Variants in B3GAT3 observed in about 807,000 individuals in gnomAD.
B3GAT3 encodes the protein beta-1,3-glucuronyltransferase 3.
B3GAT3 carries 19 observed loss-of-function variants against 33.1 expected under a neutral mutation model. The observed-to-expected ratio is 0.57, with a 90% CI of 0.40 to 0.84. The LOEUF is 0.84. Ranked by LOEUF, B3GAT3 falls within the 40% of genes least tolerant of loss-of-function variation. B3GAT3 has a pLI of 0.00. For synonymous variants in B3GAT3, 167 were observed against 193.5 expected, an observed-to-expected ratio of 0.86 and a Z score of 1.14; for missense variants, 344 against 441.5, an observed-to-expected ratio of 0.78 and a Z score of 1.98.
rs201412668 is a variant in B3GAT3, at chr11:62,621,970, G to A, written c.-23C>T. 1.9e-6 allele frequency: 3 copies of A among 1,612,296 alleles called. No homozygotes were observed. Among genetic ancestry groups the A allele is most frequent in the South Asian group, 1.1e-5 (1 of 91,036 alleles). On this transcript the variant is annotated 5_prime_UTR_variant, in exon 1 of 5. Coordinates refer to ENST00000265471, the MANE Select transcript of B3GAT3 (RefSeq NM_012200.4). ...CATGGCCGCGCCGCCGCCCGCGCCCGAGCAGGCGGGGTCTGCAGGGGACGA... is the reference window on the plus strand; with the variant it reads ...CATGGCCGCGCCGCCGCCCGCGCCCAAGCAGGCGGGGTCTGCAGGGGACGA...
Position 62,615,797 on chromosome 11 carries a change from T to C in B3GAT3, c.912A>G (p.Val304=), listed in dbSNP as rs1407013787. 2 of 1,613,652 alleles carry C rather than the reference T, an allele frequency of 1.2e-6. No individual in the cohort carries two copies. The highest frequency in any genetic ancestry group is 1.7e-6 in the Non-Finnish European group (2 of 1,179,976). The part of the protein sequence containing the change: ...LEPRAANCTR[V]LVWHTRTEKP... The stretch of plus-strand genomic sequence containing the variant: ...TCTCTGTCCGAGTATGCCACACCAG[T>C]ACCTGTGCCAGGAGGGATGCAGTGA... The change falls in exon 5 of 5, where the codon GTA becomes GTG. Residue 304 remains valine (V), a splice_region_variant and synonymous_variant. Coordinates refer to ENST00000265471, the MANE Select transcript of B3GAT3 (RefSeq NM_012200.4).
intron 2 of B3GAT3, 63 bp from the exon 3 acceptor site, chr11:62,617,410 G>C: frequency 6.3e-7 from 1 of 1,599,232 alleles, no homozygotes; most frequent in Non-Finnish European, 8.5e-7. Flanking sequence ...TCCAGCCAGG[G>C]CAGACAGCTT....
intron 2 of B3GAT3, among the ~76,000 whole-genome samples, chr11:62,619,573 C>G: frequency 6.6e-6 from 1 of 151,452 alleles, no homozygotes; most frequent in East Asian, 1.9e-4. Flanking sequence ...GAAATGGGCT[C>G]TCTCTGTCGC....
At chr11:62,616,007 G>A (rs1314881599) in intron 4 of B3GAT3, 20 of 1,408,438 alleles carry the variant, frequency 1.4e-5, no homozygotes, top group Non-Finnish European at 1.7e-5. Context: ...ACTTTGGGAG[G>A]CCGAGGAAGG....
chr11:62,620,430 A>G lies in B3GAT3; in HGVS notation c.257+67T>C, dbSNP rs771437446. 111 of 1,512,100 alleles carry G rather than the reference A, an allele frequency of 7.3e-5. 1 individual carries two copies. The highest frequency in any genetic ancestry group is 9.6e-5 in the Non-Finnish European group (105 of 1,096,690). The allele number at this position is 1,512,100 out of a possible 1,614,324, so 93.7% of individuals were successfully genotyped here. ...ACAACTCCTAGCCCAGTGCCTCCCC[A>G]AACTCCTCATCATCAACTCCAACTT... is the stretch of plus-strand genomic sequence containing the variant. On this transcript the variant is annotated intron_variant, in intron 2 of 4. Coordinates refer to ENST00000265471, the MANE Select transcript of B3GAT3 (RefSeq NM_012200.4).
intron 4 of B3GAT3, chr11:62,616,033 G>A (rs565240600): frequency 3.1e-6 from 4 of 1,297,636 alleles, no homozygotes; most frequent in African/African-American, 1.5e-5. Context: ...CACGAGGTCA[G>A]GAGATTGAGA....
At chr11:62,620,475 T>C in intron 2 of B3GAT3, 22 bp downstream of exon 2, 2 of 1,610,098 alleles carry the variant, frequency 1.2e-6, no homozygotes, top group South Asian at 1.1e-5. Context: ...CGCAGACCTC[T>C]TGAGTGCACC....
At chr11:62,618,219 A>C in intron 2 of B3GAT3, among the ~76,000 whole-genome samples, 1 of 149,186 alleles carries the variant, frequency 6.7e-6, no homozygotes, top group Middle Eastern at 3.2e-3. Context: ...TTAAGGGCAC[A>C]GGCTTTGGGA....
chr11:62,617,176 C>T lies in B3GAT3; in HGVS notation c.429G>A (p.Gln143=). 1 of 1,614,028 alleles carries T rather than the reference C, an allele frequency of 6.2e-7. No homozygotes were observed. Among genetic ancestry groups the T allele is most frequent in the South Asian group, 1.1e-5 (1 of 91,078 alleles). ...AGCCAGGCTCGCCCTCCCGAAGCCG[C>T]TGGGCTTTGGGCGTGAGGACCACCA... ...THLVVLTPKA[Q]RLREGEPGWV... The change falls in exon 3 of 5, where the codon CAG becomes CAA. Residue 143 remains glutamine (Q), a synonymous_variant. Transcript: ENST00000265471.
rs150492409 is a variant in B3GAT3 at position 62,618,177 on chromosome 11, CAAAAAA to C, written c.258-836_258-831del. ...GAGCGACAAGAGCGAAACTCTGTCT[CAAAAAA>C]AAAAAAAAAAAAAAAAAAAAACAAA... On this transcript the variant is annotated intron_variant, in intron 2 of 4. Transcript: ENST00000265471. 2.6e-4 allele frequency among the ~76,000 whole-genome samples: 12 copies of C among 46,282 alleles called. No individual in the cohort carries two copies. In the South Asian group the frequency reaches 5.5e-3, roughly 21 times the overall value. The allele number at this position is 46,282 out of a possible 152,430, so 30.4% of individuals were successfully genotyped here.
At chr11:62,621,101 C>A in intron 1 of B3GAT3, 1 of 461,888 alleles carries the variant, frequency 2.2e-6, no homozygotes. Flanking sequence ...GCATAAGGGG[C>A]AGGGTTCGAT....
rs144675523 is a variant in B3GAT3 at position 62,617,143 on chromosome 11, A to G, written c.462T>C (p.His154=). ...TGTTCCGCTGCTCGACACCACGGGG[A>G]TGAACCCAGCCAGGCTCGCCCTCCC... ...RLREGEPGWV[H]PRGVEQRNKA... Residue 154 remains histidine, a synonymous_variant, in exon 3 of 5, where the codon CAT becomes CAC. Coordinates refer to ENST00000265471, the MANE Select transcript of B3GAT3 (RefSeq NM_012200.4). 6 of 1,613,834 alleles carry G rather than the reference A, an allele frequency of 3.7e-6. No individual in the cohort carries two copies. The African/African-American group carries it at 8.0e-5, about 22-fold the overall frequency.
chr11:62,618,059 C>T (rs2134432211), intron 2 of B3GAT3, among the ~76,000 whole-genome samples: 2 of 151,516 alleles, frequency 1.3e-5, no homozygotes, highest in East Asian at 3.9e-4. Flanking sequence ...CACCTGTAAT[C>T]CTAGCTACTC....
chr11:62,620,658 G>A lies in B3GAT3; in HGVS notation c.96C>T (p.Asp32=), dbSNP rs1473116963. 3 of 1,611,334 alleles carry A rather than the reference G, an allele frequency of 1.9e-6. No homozygotes were observed. The highest frequency in any genetic ancestry group is 1.1e-5 in the South Asian group (1 of 90,802). The part of the protein sequence containing the change: ...YALVQLGQPC[D]CLPPLRAAAE... ...CTGCTGCCCGCAGGGGAGGAAGGCA[G>A]TCACATGGCTGGCCTGGTCCCAGGA... Residue 32 remains aspartate, a synonymous_variant, in exon 2 of 5, where the codon GAC becomes GAT. Transcript: ENST00000265471.
chr11:62,617,490 G>T (rs2134431369), intron 2 of B3GAT3, 143 bp from the exon 3 acceptor site: 1 of 1,141,912 alleles, frequency 8.8e-7, no homozygotes, highest in Non-Finnish European at 1.3e-6. Context: ...TTTCTTGCCT[G>T]TCAACTTCAT....
At chr11:62,615,904 G>A in intron 4 of B3GAT3, 105 bp from the exon 5 acceptor site, 1 of 1,543,574 alleles carries the variant, frequency 6.5e-7, no homozygotes, top group African/African-American at 1.4e-5. Flanking sequence ...ATACAGTATA[G>A]GCTTCAAAGT....
Position 62,616,808 on chromosome 11 carries a change from C to T in B3GAT3, c.619-12G>A, listed in dbSNP as rs372473452. The T allele has an allele frequency of 1.1e-5, 18 of 1,613,670 alleles. No individual in the cohort carries two copies. Among genetic ancestry groups the T allele is most frequent in the African/African-American group, 4.0e-5 (3 of 74,890 alleles). On this transcript the variant is annotated splice_polypyrimidine_tract_variant and intron_variant, in intron 3 of 4. Coordinates refer to ENST00000265471, the MANE Select transcript of B3GAT3 (RefSeq NM_012200.4). ...CGGGTCCAGCGCATCTAACGGAGGTCGGGAGAGAAGAAACAGAGGGGTGGT... is the reference window on the plus strand; with the variant it reads ...CGGGTCCAGCGCATCTAACGGAGGTTGGGAGAGAAGAAACAGAGGGGTGGT...
At chr11:62,615,900 T>C in intron 4 of B3GAT3, 101 bp from the exon 5 acceptor site, 2 of 1,546,458 alleles carry the variant, frequency 1.3e-6, no homozygotes, top group East Asian at 2.4e-5. Flanking sequence ...ACATATACAG[T>C]ATAGGCTTCA....
rs1943006543 is a variant in B3GAT3 at position 62,615,605 on chromosome 11, G to A, written c.*96C>T. 3.2e-6 allele frequency: 5 copies of A among 1,542,358 alleles called. No homozygotes were observed. The highest frequency in any genetic ancestry group is 3.5e-6 in the Non-Finnish European group (4 of 1,147,080). ...CAGAGGGGCCACTTCTGGCTCCAAGGGTCAGGACTTGGAAAACCACATCCT... is the reference window on the plus strand; with the variant it reads ...CAGAGGGGCCACTTCTGGCTCCAAGAGTCAGGACTTGGAAAACCACATCCT... On this transcript the variant is annotated 3_prime_UTR_variant, in exon 5 of 5. Coordinates refer to ENST00000265471, the MANE Select transcript of B3GAT3 (RefSeq NM_012200.4).
Sources: allele counts gnomAD v4.1 joint callset (sites outside exome capture counted in the v4.1 genomes callset), GRCh38; gene constraint gnomAD v4.1.1; transcripts MANE v1.5; gene names NCBI Gene and HGNC (gene_info 2026-07-23, HGNC 2026-07-21).